HOOK3: variants seen among roughly 807,000 people sequenced by gnomAD.
HOOK3 encodes hook microtubule tethering protein 3, also known as protein Hook homolog 3.
A neutral mutation model predicts 116.3 loss-of-function variants in HOOK3; 24 were observed. The ratio of observed to expected loss-of-function variants is 0.21; its 90% CI spans 0.15 to 0.29. The LOEUF (loss-of-function observed/expected upper bound fraction) is 0.29. Among genes scored for constraint, HOOK3 ranks in the 10% least tolerant of loss-of-function variants. The pLI is 1.00. For synonymous variants in HOOK3, 275 were observed against 283.0 expected, an observed-to-expected ratio of 0.97 and a Z score of 0.28; for missense variants, 632 against 830.2, an observed-to-expected ratio of 0.76 and a Z score of 2.93.
chr8:42,931,779 G>T (rs1217921947), intron 4 of HOOK3, among the ~76,000 whole-genome samples: 1 of 150,980 alleles, frequency 6.6e-6, no homozygotes, highest in Non-Finnish European at 1.5e-5. Flanking sequence ...TTTTTTGACA[G>T]ATTCTCGCTG....
rs1469108544 is a variant in HOOK3 at position 43,018,868 on chromosome 8, G to T, written c.*370G>T. The T allele has an allele frequency of 4.3e-6, 1 of 234,270 alleles. No homozygotes were observed. The highest frequency in any genetic ancestry group is 5.5e-5 in the Admixed American group (1 of 18,046). The allele number at this position is 234,270 out of a possible 1,614,324, so 14.5% of individuals were successfully genotyped here. A position where few individuals can be genotyped will look rare whatever the true frequency, so the allele number is the denominator to read the frequency against. On this transcript the variant is annotated 3_prime_UTR_variant, in exon 22 of 22. Transcript: ENST00000307602. Reference sequence around the variant, plus strand: ...AATTTATATTCTTTATTGTGCCTGTGTGTTACCATGCTAAGAATGTCTTTG... The same window carrying T: ...AATTTATATTCTTTATTGTGCCTGTTTGTTACCATGCTAAGAATGTCTTTG...
Position 42,966,485 on chromosome 8 carries a change from C to T in HOOK3, c.792C>T (p.Ala264=). 6.2e-7 allele frequency: 1 copy of T among 1,613,970 alleles called. No individual in the cohort carries two copies. Among genetic ancestry groups the T allele is most frequent in the Non-Finnish European group, 8.5e-7 (1 of 1,179,956 alleles). Residue 264 remains alanine (A), a synonymous_variant, in exon 10 of 22, where the codon GCC becomes GCT. Transcript: ENST00000307602. Reference sequence around the variant, plus strand: ...ATATCGGTTACAGACTAGAAGCAGCCAAAGATGATTATCGAATACGTTGTG... The same window carrying T: ...ATATCGGTTACAGACTAGAAGCAGCTAAAGATGATTATCGAATACGTTGTG... ...LQEETFRLEA[A]KDDYRIRCEE...
chr8:42,927,594 G>A (rs1164302877), intron 3 of HOOK3, among the ~76,000 whole-genome samples: 1 of 151,908 alleles, frequency 6.6e-6, no homozygotes, highest in African/African-American at 2.4e-5. Context: ...TCAAGGACAG[G>A]CAATTTATTT....
chr8:42,953,565 G>GAA (rs1039325241), intron 6 of HOOK3, among the ~76,000 whole-genome samples: 4 of 126,928 alleles, frequency 3.2e-5, no homozygotes, highest in East Asian at 2.2e-4. Context: ...CTCCATCTCA[G>GAA]AAAAAAAAAA....
Position 42,901,955 on chromosome 8 carries a change from G to A in HOOK3, c.58-4218G>A, listed in dbSNP as rs566365017. On this transcript the variant is annotated intron_variant, in intron 1 of 21. Coordinates refer to ENST00000307602, the MANE Select transcript of HOOK3 (RefSeq NM_032410.4). ...GAACTCCTGACCTCAAGATCCACCC[G>A]CCTCGGCTTCCAAATGTTCTGGGAT... Among the ~76,000 whole-genome samples the A allele has an allele frequency of 8.5e-5, 13 of 152,270 alleles. 1 individual carries two copies. Among genetic ancestry groups the A allele is most frequent in the African/African-American group, 2.9e-4 (12 of 41,546 alleles).
intron 2 of HOOK3, among the ~76,000 whole-genome samples, chr8:42,907,549 G>C (rs904652729): frequency 6.6e-6 from 1 of 151,974 alleles, no homozygotes; most frequent in Admixed American, 6.6e-5. Context: ...CCTAATTTTA[G>C]CTTTCCCATT....
intron 21 of HOOK3, among the ~76,000 whole-genome samples, chr8:43,017,750 C>T (rs1217601711): frequency 6.6e-6 from 1 of 152,126 alleles, no homozygotes; most frequent in Non-Finnish European, 1.5e-5. Context: ...GCTCTGGGTC[C>T]AGCAGTTGCC....
At chr8:42,968,410 A>G (rs1352237606) in intron 11 of HOOK3, among the ~76,000 whole-genome samples, 196 bp downstream of exon 11, 1 of 152,042 alleles carries the variant, frequency 6.6e-6, no homozygotes, top group African/African-American at 2.4e-5. Context: ...GCTCACTGCA[A>G]CCTCCACCTC....
chr8:42,968,094 G>A lies in HOOK3; in HGVS notation c.1002G>A (p.Arg334=). Residue 334 remains arginine (R), a synonymous_variant, in exon 11 of 22, where the codon AGG becomes AGA. Transcript: ENST00000307602. The part of the protein sequence containing the change: ...KKKLEDLGDL[R]RQVKLLEEKN... Reference sequence around the variant, plus strand: ...AGCTAGAAGACCTTGGTGATTTAAGGCGGCAGGTTAAACTCTTAGAAGAGA... The same window carrying A: ...AGCTAGAAGACCTTGGTGATTTAAGACGGCAGGTTAAACTCTTAGAAGAGA... 8.1e-6 allele frequency: 13 copies of A among 1,611,278 alleles called. No individual in the cohort carries two copies. Among genetic ancestry groups the A allele is most frequent in the South Asian group, 1.1e-5 (1 of 91,042 alleles).
rs1416719512 is a variant in HOOK3 at position 43,013,314 on chromosome 8, T to C, written c.1945-15T>C. The stretch of plus-strand genomic sequence containing the variant: ...ATATCTTTACATATTTACATGTGCT[T>C]TTTTTTTTTTTTAGAAAGAATATGA... On this transcript the variant is annotated splice_polypyrimidine_tract_variant and intron_variant, in intron 20 of 21. Coordinates refer to ENST00000307602, the MANE Select transcript of HOOK3 (RefSeq NM_032410.4). 12 of 233,160 alleles carry C rather than the reference T, an allele frequency of 5.1e-5. No individual in the cohort carries two copies. The highest frequency in any genetic ancestry group is 1.1e-4 in the South Asian group (1 of 9,062). 14.4% of individuals were successfully genotyped at this position (233,160 alleles called of 1,614,324 possible). A position where few individuals can be genotyped will look rare whatever the true frequency, so the allele number is the denominator to read the frequency against.
At chr8:42,954,793 C>T (rs995933994) in intron 6 of HOOK3, among the ~76,000 whole-genome samples, 1 of 152,110 alleles carries the variant, frequency 6.6e-6, no homozygotes, top group Non-Finnish European at 1.5e-5. Context: ...GTTGAAAGCA[C>T]AGTTGGGGAT....
intron 4 of HOOK3, among the ~76,000 whole-genome samples, chr8:42,942,405 T>C (rs1337762970): frequency 6.6e-6 from 1 of 152,250 alleles, no homozygotes; most frequent in Non-Finnish European, 1.5e-5. Flanking sequence ...CCATGTAACA[T>C]AGGTTGGTTG....
At chr8:42,930,031 C>T (rs1734291939) in intron 3 of HOOK3, 91 bp from the exon 4 acceptor site, 6 of 1,060,196 alleles carry the variant, frequency 5.7e-6, no homozygotes, top group Non-Finnish European at 5.4e-6. Flanking sequence ...TGATTAACTG[C>T]AGTGATTGGT....
At chr8:42,975,089 C>G (rs531511159) in intron 13 of HOOK3, among the ~76,000 whole-genome samples, 1 of 152,062 alleles carries the variant, frequency 6.6e-6, no homozygotes, top group African/African-American at 2.4e-5. Context: ...GAGGCGGCTA[C>G]GGGTGGGGCG....
chr8:42,974,486 C>T (rs1025619216), intron 13 of HOOK3, among the ~76,000 whole-genome samples: 36 of 152,192 alleles, frequency 2.4e-4, no homozygotes, highest in African/African-American at 8.2e-4. Context: ...TAATCCCACC[C>T]GCCTTGGCTC....
Position 43,018,584 on chromosome 8 carries a change from T to C in HOOK3, c.*86T>C, listed in dbSNP as rs1809765401. 4 of 1,341,314 alleles carry C rather than the reference T, an allele frequency of 3.0e-6. No individual in the cohort carries two copies. In the East Asian group the frequency reaches 1.0e-4, roughly 34 times the overall value. The allele number at this position is 1,341,314 out of a possible 1,614,324, so 83.1% of individuals were successfully genotyped here. A position where few individuals can be genotyped will look rare whatever the true frequency, so the allele number is the denominator to read the frequency against. On this transcript the variant is annotated 3_prime_UTR_variant, in exon 22 of 22. Coordinates refer to ENST00000307602, the MANE Select transcript of HOOK3 (RefSeq NM_032410.4). ...GAACATTTCAGGAAACTCAGCCAGCTTATTTTTTGTTTCTCTTCTATGTCA... is the reference window on the plus strand; with the variant it reads ...GAACATTTCAGGAAACTCAGCCAGCCTATTTTTTGTTTCTCTTCTATGTCA...
chr8:42,930,085 T>A (rs752795306), intron 3 of HOOK3, 37 bp from the exon 4 acceptor site: 76 of 1,546,002 alleles, frequency 4.9e-5, no homozygotes, highest in Non-Finnish European at 6.3e-5. Flanking sequence ...TGATCTGTCT[T>A]GCCTTTTACC....
chr8:42,905,325 T>TTGGG lies in HOOK3; in HGVS notation c.58-848_58-847insTGGG, dbSNP rs746035645. Among the ~76,000 whole-genome samples the TTGGG allele has an allele frequency of 3.3e-4, 33 of 99,160 alleles. 1 individual carries two copies. Among genetic ancestry groups the TTGGG allele is most frequent in the African/African-American group, 1.5e-3 (32 of 21,446 alleles). 65.1% of individuals were successfully genotyped at this position (99,160 alleles called of 152,430 possible). A position where few individuals can be genotyped will look rare whatever the true frequency, so the allele number is the denominator to read the frequency against. Reference sequence around the variant, plus strand: ...TTTTTTTTTTTCCTGTTTCTTTTTTTGGGGGGGGGGGTGCCGTGGTGGAGG... The same window carrying TTGGG: ...TTTTTTTTTTTCCTGTTTCTTTTTTTTGGGGGGGGGGGGGGTGCCGTGGTGGAGG... On this transcript the variant is annotated intron_variant, in intron 1 of 21. Transcript: ENST00000307602.
chr8:42,944,850 T>G (rs1402135551), intron 5 of HOOK3, among the ~76,000 whole-genome samples: 1 of 152,078 alleles, frequency 6.6e-6, no homozygotes, highest in Non-Finnish European at 1.5e-5. Flanking sequence ...AACTTAATGG[T>G]ATCTATCACT....
Sources: gnomAD v4.1 joint callset for allele counts (sites outside exome capture counted in the v4.1 genomes callset) on GRCh38, gnomAD v4.1.1 for gene constraint, MANE v1.5 for transcripts, NCBI Gene and HGNC (gene_info 2026-07-23, HGNC 2026-07-21) for gene names.